Variants in ARID3B observed in about 807,000 individuals in gnomAD.
ARID3B encodes AT-rich interactive domain-containing protein 3B.
A neutral mutation model predicts 51.9 loss-of-function variants in ARID3B; 10 were observed. The ratio of observed to expected loss-of-function variants is 0.19; its 90% CI spans 0.12 to 0.33. ARID3B has a LOEUF of 0.33. Ranked by LOEUF, ARID3B falls within the 10% of genes least tolerant of loss-of-function variation. ARID3B has a pLI of 1.00. For missense variants in ARID3B, 483 were observed against 716.3 expected, an observed-to-expected ratio of 0.67 and a Z score of 3.72; for synonymous variants, 205 against 279.5, an observed-to-expected ratio of 0.73 and a Z score of 2.66.
chr15:74,595,330 A>C (rs1351741884), intron 8 of ARID3B, among the ~76,000 whole-genome samples: 1 of 152,070 alleles, frequency 6.6e-6, no homozygotes, highest in African/African-American at 2.4e-5. Flanking sequence ...GAGCCACCAC[A>C]CCTGGCCTTG....
Position 74,596,805 on chromosome 15 carries a change from T to C in ARID3B, c.*1031T>C, listed in dbSNP as rs1406040708. The C allele has an allele frequency of 8.6e-6, 2 of 232,028 alleles. No homozygotes were observed. The highest frequency in any genetic ancestry group is 2.2e-5 in the African/African-American group (1 of 44,500). 14.4% of individuals were successfully genotyped at this position (232,028 alleles called of 1,614,324 possible). On this transcript the variant is annotated 3_prime_UTR_variant, in exon 9 of 9. Transcript: ENST00000346246. ...GTTTTGCTGACTTTTGTTTTTTTTT[T>C]ATTTTAAAATTTTTATCGTAGCACC...
In ARID3B at chr15:74,595,959, G is replaced by C; in HGVS notation, c.*185G>C. ...CTGCTGTACTCTGGGGGCAGGGAGAGGCTAGAGGGGCAGGACAGACAGCGT... is the reference window on the plus strand; with the variant it reads ...CTGCTGTACTCTGGGGGCAGGGAGACGCTAGAGGGGCAGGACAGACAGCGT... On this transcript the variant is annotated 3_prime_UTR_variant, in exon 9 of 9. Coordinates refer to ENST00000346246, the MANE Select transcript of ARID3B (RefSeq NM_006465.4). 1.5e-6 allele frequency: 1 copy of C among 674,978 alleles called. No individual in the cohort carries two copies. Among genetic ancestry groups the C allele is most frequent in the Non-Finnish European group, 2.4e-6 (1 of 415,874 alleles). 41.8% of individuals were successfully genotyped at this position (674,978 alleles called of 1,614,324 possible).
chr15:74,548,769 C>T (rs1278088787), intron 2 of ARID3B, among the ~76,000 whole-genome samples: 2 of 152,144 alleles, frequency 1.3e-5, no homozygotes, highest in African/African-American at 4.8e-5. Flanking sequence ...TTCTGCAGTA[C>T]AGAAGCAAAG....
intron 2 of ARID3B, among the ~76,000 whole-genome samples, chr15:74,557,205 A>G (rs1225877223): frequency 6.6e-6 from 1 of 151,762 alleles, no homozygotes; most frequent in Non-Finnish European, 1.5e-5. Context: ...GCTTGAGCCC[A>G]GGAGATCAAG....
At chr15:74,570,462 C>CAAAAAAAAAAAAAAAA (rs71137395) in intron 2 of ARID3B, among the ~76,000 whole-genome samples, 1 of 64,592 alleles carries the variant, frequency 1.5e-5, no homozygotes, top group East Asian at 3.9e-4. Flanking sequence ...CTATAATTAG[C>CAAAAAAAAAAAAAAAA]AAAAAAAAAA....
At chr15:74,578,639 T>C (rs1309985614) in intron 4 of ARID3B, among the ~76,000 whole-genome samples, 1 of 152,130 alleles carries the variant, frequency 6.6e-6, no homozygotes, top group Non-Finnish European at 1.5e-5. Context: ...CCATAGCTAA[T>C]ATGAAAGGTA....
rs967323193 is a variant in ARID3B at position 74,597,739 on chromosome 15, C to T, written c.*1965C>T. The T allele has an allele frequency of 1.9e-4, 89 of 470,490 alleles. No individual in the cohort carries two copies. The highest frequency in any genetic ancestry group is 1.4e-3 in the East Asian group (34 of 25,108). The allele number at this position is 470,490 out of a possible 1,614,324, so 29.1% of individuals were successfully genotyped here. A position where few individuals can be genotyped will look rare whatever the true frequency, so the allele number is the denominator to read the frequency against. On this transcript the variant is annotated 3_prime_UTR_variant, in exon 9 of 9. Coordinates refer to ENST00000346246, the MANE Select transcript of ARID3B (RefSeq NM_006465.4). Reference sequence around the variant, plus strand: ...CCACCCAGAGGATGCAGGGAAAGCACACTGTGTCTTTCCGGTCATTGGATC... The same window carrying T: ...CCACCCAGAGGATGCAGGGAAAGCATACTGTGTCTTTCCGGTCATTGGATC...
At chr15:74,561,166 T>C (rs148258523) in intron 2 of ARID3B, among the ~76,000 whole-genome samples, 1 of 152,326 alleles carries the variant, frequency 6.6e-6, no homozygotes, top group East Asian at 1.9e-4. Context: ...TTTATTGATT[T>C]TTCTCTTTAT....
chr15:74,558,264 TGC>T (rs2061667009), intron 2 of ARID3B, among the ~76,000 whole-genome samples: 1 of 151,102 alleles, frequency 6.6e-6, no homozygotes, highest in Admixed American at 6.6e-5. Context: ...CAGTCTCCTG[TGC>T]GTCTTTTCTT....
chr15:74,558,092 A>G (rs2061665936), intron 2 of ARID3B, among the ~76,000 whole-genome samples: 3 of 148,534 alleles, frequency 2.0e-5, no homozygotes, highest in Non-Finnish European at 4.5e-5. Context: ...AAGTGCTGGG[A>G]TTACAGGCGT....
At chr15:74,558,413 GTGTT>G (rs2061667446) in intron 2 of ARID3B, among the ~76,000 whole-genome samples, 1 of 151,488 alleles carries the variant, frequency 6.6e-6, no homozygotes, top group Non-Finnish European at 1.5e-5. Flanking sequence ...CGTAATTATT[GTGTT>G]TGTTTATAAA....
chr15:74,572,802 T>A, intron 2 of ARID3B, 60 bp from the exon 3 acceptor site: 4 of 1,535,082 alleles, frequency 2.6e-6, no homozygotes, highest in Non-Finnish European at 3.6e-6. Context: ...TGCCTTGCCC[T>A]CTGTCCTAAC....
chr15:74,591,034 A>G lies in ARID3B; in HGVS notation c.882-117A>G, dbSNP rs2061800782. On this transcript the variant is annotated intron_variant, in intron 5 of 8. Coordinates refer to ENST00000346246, the MANE Select transcript of ARID3B (RefSeq NM_006465.4). This position sits in a 1 kb window ranked among gnomAD's most constrained non-coding sequence, Gnocchi z 5.8. ...TTCTGCCAAGTATACCAAGGTTGCA[A>G]TCCTTTGCCCTAGAGTCCTGCCCAA... The G allele has an allele frequency of 7.5e-6, 11 of 1,471,020 alleles. No homozygotes were observed. The highest frequency in any genetic ancestry group is 2.3e-5 in the East Asian group (1 of 43,034). The allele number at this position is 1,471,020 out of a possible 1,614,324, so 91.1% of individuals were successfully genotyped here. A position where few individuals can be genotyped will look rare whatever the true frequency, so the allele number is the denominator to read the frequency against.
At chr15:74,589,194 A>AT (rs879624377) in intron 4 of ARID3B, among the ~76,000 whole-genome samples, 13 of 150,998 alleles carry the variant, frequency 8.6e-5, no homozygotes, top group Admixed American at 2.6e-4. Flanking sequence ...TGCCAGGCTA[A>AT]TTTTTTTTGT....
chr15:74,563,782 TG>T (rs150789393), intron 2 of ARID3B, among the ~76,000 whole-genome samples: 8,205 of 152,320 alleles, frequency 0.054, 288 homozygotes, highest in Non-Finnish European at 0.078. Flanking sequence ...TGGACTTGGC[TG>T]GGCCAGTTCA....
intron 4 of ARID3B, among the ~76,000 whole-genome samples, chr15:74,576,021 T>C (rs915569832): frequency 1.3e-5 from 2 of 152,238 alleles, no homozygotes; most frequent in African/African-American, 2.4e-5. Flanking sequence ...TTCAGCCTCC[T>C]GAGTAGCTGG....
At chr15:74,567,384 G>A (rs1292395026) in intron 2 of ARID3B, among the ~76,000 whole-genome samples, 1 of 151,942 alleles carries the variant, frequency 6.6e-6, no homozygotes, top group African/African-American at 2.4e-5. Flanking sequence ...TATGCTATAT[G>A]TGTTCAGTTT....
chr15:74,546,153 A>C (rs2061614732), intron 2 of ARID3B, among the ~76,000 whole-genome samples: 1 of 152,210 alleles, frequency 6.6e-6, no homozygotes, highest in Non-Finnish European at 1.5e-5. Flanking sequence ...AGAATCAGAG[A>C]ATCCCAACTT....
At chr15:74,575,222 G>A (rs977611076) in intron 4 of ARID3B, among the ~76,000 whole-genome samples, 3 of 152,012 alleles carry the variant, frequency 2.0e-5, no homozygotes, top group Non-Finnish European at 4.4e-5. Context: ...AATCAGCAGT[G>A]GAGCTCCACT....
Sources: gnomAD v4.1 joint callset for allele counts (sites outside exome capture counted in the v4.1 genomes callset) on GRCh38, gnomAD v4.1.1 for gene constraint, Gnocchi (gnomAD v3.1) non-coding constraint, MANE v1.5 for transcripts, NCBI Gene and HGNC (gene_info 2026-07-23, HGNC 2026-07-21) for gene names.